FGF12: variants seen among roughly 807,000 people sequenced by gnomAD.
The protein encoded by FGF12 is fibroblast growth factor 12B.
FGF12 carries 14 observed loss-of-function variants against 23.6 expected under a neutral mutation model. That is an observed-to-expected ratio of 0.59 (90% confidence interval 0.39 to 0.93). The LOEUF is 0.93. Among genes scored for constraint, FGF12 ranks in the 40% least tolerant of loss-of-function variants. The pLI, the probability that FGF12 is intolerant of heterozygous loss-of-function variation, is 0.00. For missense variants in FGF12, 175 were observed against 217.8 expected (o/e 0.80, Z 1.24); for synonymous variants, 62 against 77.3 (o/e 0.80, Z 1.04).
chr3:192,237,250 T>A (rs570710629), intron 4 of FGF12, among the ~76,000 whole-genome samples: 5 of 152,296 alleles, frequency 3.3e-5, no homozygotes, highest in African/African-American at 1.2e-4. Flanking sequence ...CCCTTATTTC[T>A]AGCTGTCTTT....
chr3:192,527,788 G>T (rs971452139), intron 2 of FGF12, among the ~76,000 whole-genome samples: 1 of 152,168 alleles, frequency 6.6e-6, no homozygotes, highest in African/African-American at 2.4e-5. Context: ...GTTCCACGTG[G>T]CTGGGGAGGC....
chr3:192,334,275 A>G lies in FGF12; in HGVS notation c.228+1086T>C, dbSNP rs932984394. On this transcript the variant is annotated intron_variant, in intron 4 of 5. Transcript: ENST00000445105. Reference sequence around the variant, plus strand: ...CTTCTGTGCAGCATGTAAAAACACCATATTTGAGAGTATCAATTTCTGAGC... The same window carrying G: ...CTTCTGTGCAGCATGTAAAAACACCGTATTTGAGAGTATCAATTTCTGAGC... Among the ~76,000 whole-genome samples the G allele has an allele frequency of 3.3e-5, 5 of 152,200 alleles. No individual in the cohort carries two copies. In the South Asian group the frequency reaches 1.0e-3, roughly 32 times the overall value.
At chr3:192,240,000 A>G (rs114099634) in intron 4 of FGF12, among the ~76,000 whole-genome samples, 5,483 of 152,274 alleles carry the variant, frequency 0.036, 327 homozygotes, top group African/African-American at 0.13. Flanking sequence ...CCCAGAAATA[A>G]TAGTCTTTGA....
chr3:192,348,199 C>T (rs1466714051), intron 3 of FGF12, among the ~76,000 whole-genome samples: 2 of 152,128 alleles, frequency 1.3e-5, no homozygotes, highest in African/African-American at 4.8e-5. Flanking sequence ...CTTAATAATG[C>T]TGTGCATACA....
intron 2 of FGF12, among the ~76,000 whole-genome samples, chr3:192,464,176 T>C (rs1011035171): frequency 3.9e-5 from 6 of 152,080 alleles, no homozygotes; most frequent in African/African-American, 1.4e-4. Flanking sequence ...GAACATGTGG[T>C]GTTTGGTTAC....
chr3:192,704,085 T>C (rs1174084879), intron 2 of FGF12, among the ~76,000 whole-genome samples: 2 of 152,214 alleles, frequency 1.3e-5, no homozygotes, highest in African/African-American at 2.4e-5. Flanking sequence ...CTCTTACGAA[T>C]CATAAATATT....
chr3:192,224,981 A>C (rs1365514100), intron 4 of FGF12, among the ~76,000 whole-genome samples: 2 of 152,136 alleles, frequency 1.3e-5, no homozygotes, highest in African/African-American at 4.8e-5. Flanking sequence ...GAGAGGCCCC[A>C]GGACTTAGCA....
intron 4 of FGF12, among the ~76,000 whole-genome samples, chr3:192,273,461 A>G (rs1577307059): frequency 6.6e-6 from 1 of 152,304 alleles, no homozygotes; most frequent in East Asian, 1.9e-4. Flanking sequence ...CCTCTAAGAG[A>G]GTCCTGCATG....
intron 2 of FGF12, among the ~76,000 whole-genome samples, chr3:192,543,575 C>T (rs538939153): frequency 5.3e-5 from 8 of 152,176 alleles, no homozygotes; most frequent in East Asian, 3.9e-4. Context: ...CTCAAGCAGA[C>T]GGAGTCTCTC....
intron 3 of FGF12, among the ~76,000 whole-genome samples, chr3:192,344,556 A>G (rs1450896365): frequency 1.3e-5 from 2 of 152,170 alleles, no homozygotes; most frequent in Non-Finnish European, 2.9e-5. Flanking sequence ...TTATTTTCTC[A>G]CTGAATTTAT....
chr3:192,402,345 C>A (rs1218147608), intron 2 of FGF12, among the ~76,000 whole-genome samples: 1 of 152,212 alleles, frequency 6.6e-6, no homozygotes, highest in African/African-American at 2.4e-5. Flanking sequence ...GAGCCTAAGC[C>A]CAGCACATAA....
At chr3:192,337,327 G>A (rs902948031) in intron 3 of FGF12, among the ~76,000 whole-genome samples, 4 of 152,128 alleles carry the variant, frequency 2.6e-5, no homozygotes, top group African/African-American at 9.7e-5. Context: ...AGCGGAAGTT[G>A]AGAAAGCCAA....
intron 5 of FGF12, among the ~76,000 whole-genome samples, chr3:192,157,144 C>A (rs1714471310): frequency 1.3e-5 from 2 of 152,138 alleles, no homozygotes; most frequent in Admixed American, 1.3e-4. Context: ...TACTAGAAAC[C>A]AGTTTAACCC....
intron 2 of FGF12, among the ~76,000 whole-genome samples, chr3:192,677,632 T>C (rs1717374815): frequency 6.6e-6 from 1 of 152,226 alleles, no homozygotes; most frequent in South Asian, 2.1e-4. Flanking sequence ...AATAGCCATA[T>C]GTTCTATGCC....
chr3:192,387,683 CA>C (rs1301743801), intron 2 of FGF12, among the ~76,000 whole-genome samples: 2 of 144,962 alleles, frequency 1.4e-5, no homozygotes, highest in African/African-American at 2.6e-5. Flanking sequence ...CCCATCTCTA[CA>C]AAAAAAATAC....
chr3:192,651,644 C>T (rs1479687708), intron 2 of FGF12, among the ~76,000 whole-genome samples: 2 of 152,158 alleles, frequency 1.3e-5, no homozygotes, highest in African/African-American at 4.8e-5. Flanking sequence ...ATTGAAACCA[C>T]TGTCACTTTG....
chr3:192,705,473 TG>T (rs1718437252), intron 2 of FGF12, among the ~76,000 whole-genome samples: 2 of 152,250 alleles, frequency 1.3e-5, no homozygotes, highest in African/African-American at 4.8e-5. Context: ...AAACAGATTT[TG>T]GTGTGATATA....
chr3:192,167,836 C>T (rs1487088007), intron 5 of FGF12, among the ~76,000 whole-genome samples: 3 of 131,722 alleles, frequency 2.3e-5, no homozygotes, highest in Non-Finnish European at 3.1e-5. Context: ...AGTGCAGTGG[C>T]GTGATCTCAG....
At chr3:192,647,693 GTATATATGTGTATA>G (rs1435608574) in intron 2 of FGF12, among the ~76,000 whole-genome samples, 2 of 145,838 alleles carry the variant, frequency 1.4e-5, no homozygotes, top group Non-Finnish European at 3.0e-5. Context: ...ACATATATAT[GTATATATGTGTATA>G]TATACATATA....
Sources: allele counts gnomAD v4.1 joint callset (sites outside exome capture counted in the v4.1 genomes callset), GRCh38; gene constraint gnomAD v4.1.1; transcripts MANE v1.5; gene names NCBI Gene and HGNC (gene_info 2026-07-23, HGNC 2026-07-21).